PRKN: variants seen among roughly 807,000 people sequenced by gnomAD.
The protein encoded by PRKN is E3 ubiquitin-protein ligase parkin.
Under a neutral mutation model 59.5 loss-of-function variants are expected in PRKN, and 56 were observed. The observed-to-expected ratio is 0.94, with a 90% CI of 0.76 to 1.18. PRKN has a LOEUF of 1.18. Among genes scored for constraint, PRKN ranks in the 50% most tolerant of loss-of-function variants. The pLI, the probability that PRKN is intolerant of heterozygous loss-of-function variation, is 0.00. For missense variants in PRKN, 657 were observed against 596.4 expected (o/e 1.10, Z -1.06); for synonymous variants, 250 against 222.1 (o/e 1.13, Z -1.12).
chr6:161,957,582 G>A (rs1203686765), intron 6 of PRKN, among the ~76,000 whole-genome samples: 17 of 151,922 alleles, frequency 1.1e-4, no homozygotes, highest in African/African-American at 3.1e-4. Flanking sequence ...GCGCCACCAC[G>A]CTCAGCTAAT....
At chr6:162,625,981 C>A (rs532617813) in intron 1 of PRKN, among the ~76,000 whole-genome samples, 1 of 152,146 alleles carries the variant, frequency 6.6e-6, no homozygotes, top group Non-Finnish European at 1.5e-5. Context: ...CCTTGACTTA[C>A]GCTAACTCGA....
chr6:161,704,500 C>T (rs977350812), intron 7 of PRKN, among the ~76,000 whole-genome samples: 2 of 152,164 alleles, frequency 1.3e-5, no homozygotes, highest in African/African-American at 4.8e-5. Context: ...CCCGCTGAAT[C>T]TGGTTACTCT....
intron 3 of PRKN, among the ~76,000 whole-genome samples, chr6:162,203,526 G>A (rs920975051): frequency 1.3e-5 from 2 of 152,144 alleles, no homozygotes; most frequent in Admixed American, 1.3e-4. Context: ...ACAATTAAAA[G>A]TTGGCAAGGT....
At position 161,385,761 on chromosome 6, in the gene PRKN, G is replaced by C. The variant is rs977188490; in HGVS notation, c.1167+1033C>G. ...TTATTGCTTTTGCTGTCAGTACCTGGTAAGCTCGCGTTTGAATGTCCCTGA... is the reference window on the plus strand; with the variant it reads ...TTATTGCTTTTGCTGTCAGTACCTGCTAAGCTCGCGTTTGAATGTCCCTGA... On this transcript the variant is annotated intron_variant, in intron 10 of 11. Coordinates refer to ENST00000366898, the MANE Select transcript of PRKN (RefSeq NM_004562.3). The surrounding 1 kb of genome is among the most constrained non-coding windows in gnomAD (Gnocchi z 4.9). Among the ~76,000 whole-genome samples the C allele has an allele frequency of 2.0e-5, 3 of 152,274 alleles. No individual in the cohort carries two copies. The highest frequency in any genetic ancestry group is 6.8e-3 in the Middle Eastern group (2 of 294).
chr6:161,425,561 G>T (rs1359466135), intron 9 of PRKN, among the ~76,000 whole-genome samples: 10 of 152,100 alleles, frequency 6.6e-5, no homozygotes, highest in Non-Finnish European at 1.2e-4. Context: ...TGTCTTTTGA[G>T]ATCAGAATCC....
intron 5 of PRKN, among the ~76,000 whole-genome samples, chr6:162,043,967 A>G (rs943938934): frequency 6.6e-6 from 1 of 152,186 alleles, no homozygotes; most frequent in African/African-American, 2.4e-5. Flanking sequence ...CCCAATAAAT[A>G]CAAGAAAAGA....
At chr6:162,584,601 T>C (rs1780933377) in intron 1 of PRKN, among the ~76,000 whole-genome samples, 1 of 152,056 alleles carries the variant, frequency 6.6e-6, no homozygotes, top group South Asian at 2.1e-4. Context: ...TGCTTGTATA[T>C]CATGATTTTC....
At chr6:162,699,894 C>A (rs1173482538) in intron 1 of PRKN, among the ~76,000 whole-genome samples, 1 of 152,118 alleles carries the variant, frequency 6.6e-6, no homozygotes, top group Non-Finnish European at 1.5e-5. Flanking sequence ...CAGTGAATTT[C>A]ATTAACAAGA....
intron 2 of PRKN, among the ~76,000 whole-genome samples, chr6:162,335,893 G>A (rs1783822787): frequency 1.3e-5 from 2 of 151,774 alleles, no homozygotes; most frequent in East Asian, 3.9e-4. Flanking sequence ...TTTAAGTGCT[G>A]AAACAGGAAA....
At chr6:162,491,964 G>A (rs143879813) in intron 1 of PRKN, among the ~76,000 whole-genome samples, 233 of 152,268 alleles carry the variant, frequency 1.5e-3, no homozygotes, top group African/African-American at 4.8e-3. Flanking sequence ...TGAGTACCTC[G>A]GTGCCTCTGC....
intron 1 of PRKN, among the ~76,000 whole-genome samples, chr6:162,671,617 A>C (rs1305114805): frequency 1.3e-5 from 2 of 152,120 alleles, no homozygotes; most frequent in African/African-American, 4.8e-5. Context: ...TGCAGTAATC[A>C]AAAATTCCGA....
At chr6:162,266,090 A>G (rs1393414318) in intron 2 of PRKN, among the ~76,000 whole-genome samples, 1 of 152,162 alleles carries the variant, frequency 6.6e-6, no homozygotes, top group Non-Finnish European at 1.5e-5. Context: ...TTTGCCACAG[A>G]AGGAAAAGTG....
chr6:162,527,709 T>C (rs570699878), intron 1 of PRKN, among the ~76,000 whole-genome samples: 1 of 152,314 alleles, frequency 6.6e-6, no homozygotes, highest in African/African-American at 2.4e-5. Context: ...ACATGGTCCA[T>C]GTGTGTTTTA....
chr6:162,482,731 T>G (rs529049486), intron 1 of PRKN, among the ~76,000 whole-genome samples: 1 of 152,284 alleles, frequency 6.6e-6, no homozygotes, highest in South Asian at 2.1e-4. Context: ...AGAATAAATA[T>G]CTACTCCAAA....
intron 9 of PRKN, among the ~76,000 whole-genome samples, chr6:161,453,924 A>T (rs1340337893): frequency 6.6e-6 from 1 of 152,072 alleles, no homozygotes; most frequent in Non-Finnish European, 1.5e-5. Flanking sequence ...AGAGGGAAAG[A>T]TTAGTATCTT....
chr6:161,718,112 T>C (rs1787064247), intron 7 of PRKN, among the ~76,000 whole-genome samples: 1 of 152,196 alleles, frequency 6.6e-6, no homozygotes, highest in South Asian at 2.1e-4. Context: ...GAAGATACAT[T>C]TTTCAAGATG....
At position 162,233,874 on chromosome 6, in the gene PRKN, A is replaced by C. The variant is rs191660599; in HGVS notation, c.412+28651T>G. 3.2e-3 allele frequency among the ~76,000 whole-genome samples: 480 copies of C among 152,344 alleles called. 1 individual carries two copies. The highest frequency in any genetic ancestry group is 5.2e-3 in the Non-Finnish European group (355 of 68,028). On this transcript the variant is annotated intron_variant, in intron 3 of 11. Transcript: ENST00000366898. ...TGTCCTCTAACCATGTGAGGCAGCA[A>C]GAAGGCCCTCACCAGATGCCGGTGG... is the stretch of plus-strand genomic sequence containing the variant.
At chr6:162,236,473 C>T (rs545626472) in intron 3 of PRKN, among the ~76,000 whole-genome samples, 49 of 152,220 alleles carry the variant, frequency 3.2e-4, no homozygotes, top group Non-Finnish European at 5.9e-4. Flanking sequence ...TTCTTACTAG[C>T]TTGTTTATTC....
At chr6:162,153,736 G>T (rs1174579526) in intron 4 of PRKN, among the ~76,000 whole-genome samples, 1 of 152,110 alleles carries the variant, frequency 6.6e-6, no homozygotes, top group East Asian at 1.9e-4. Flanking sequence ...AAGTCAGGTT[G>T]TCTCTCTTCC....
Sources: gnomAD v4.1 joint callset for allele counts (sites outside exome capture counted in the v4.1 genomes callset) on GRCh38, gnomAD v4.1.1 for gene constraint, Gnocchi (gnomAD v3.1) non-coding constraint, MANE v1.5 for transcripts, NCBI Gene and HGNC (gene_info 2026-07-23, HGNC 2026-07-21) for gene names.